IL2RB: variants seen among roughly 807,000 people sequenced by gnomAD.
IL2RB encodes the protein interleukin 2 receptor subunit beta, also known as interleukin-2 receptor subunit beta.
A neutral mutation model predicts 44.2 loss-of-function variants in IL2RB; 17 were observed. The ratio of observed to expected loss-of-function variants is 0.38; its 90% CI spans 0.26 to 0.58. The LOEUF (loss-of-function observed/expected upper bound fraction) is 0.58, where lower values mean the gene tolerates loss of function less well. IL2RB is among the 20% of genes least tolerant of loss of function. IL2RB has a pLI of 0.63. For missense variants in IL2RB, 624 were observed against 685.5 expected (o/e 0.91, Z 1.00); for synonymous variants, 286 against 297.9 (o/e 0.96, Z 0.41).
chr22:37,128,331 G>C lies in IL2RB; in HGVS notation c.1421C>G (p.Pro474Arg). Residue 474 changes from proline (P) to arginine (R), a missense_variant, in exon 10 of 10, where the codon CCT (proline) becomes CGT (arginine). Transcript: ENST00000216223. This position sits in a 1 kb window ranked among gnomAD's most constrained non-coding sequence, Gnocchi z 4.5. ...PRDWDPQPLG[P>R]PTPGVPDLVD... is the part of the protein sequence containing the mutation. ...CAGGTCTGGGACTCCTGGGGTGGGA[G>C]GCCCCAGGGGCTGGGGGTCCCAGTC... 2 of 1,502,704 alleles carry C rather than the reference G, an allele frequency of 1.3e-6. No homozygotes were observed. Among genetic ancestry groups the C allele is most frequent in the Non-Finnish European group, 1.8e-6 (2 of 1,126,340 alleles). 93.1% of individuals were successfully genotyped at this position (1,502,704 alleles called of 1,614,324 possible).
chr22:37,128,703 C>T lies in IL2RB; in HGVS notation c.1049G>A (p.Ser350Asn), dbSNP rs780285266. 1 of 1,614,156 alleles carries T rather than the reference C, an allele frequency of 6.2e-7. No homozygotes were observed. The highest frequency in any genetic ancestry group is 2.2e-5 in the East Asian group (1 of 44,878). The change falls in exon 10 of 10, where the codon AGC becomes AAC. Residue 350 changes from serine (S) to asparagine (N), a missense_variant. Physicochemically the swap from Ser to Asn is conservative, Grantham distance 46. Coordinates refer to ENST00000216223, the MANE Select transcript of IL2RB (RefSeq NM_000878.5). The surrounding 1 kb of genome is among the most constrained non-coding windows in gnomAD (Gnocchi z 4.5). ...QDKVPEPASL[S>N]SNHSLTSCFT... ...GCAGCTGGTCAGCGAGTGGTTGCTGCTTAAGGATGCGGGCTCAGGCACCTT... is the reference window on the plus strand; with the variant it reads ...GCAGCTGGTCAGCGAGTGGTTGCTGTTTAAGGATGCGGGCTCAGGCACCTT...
intron 4 of IL2RB, among the ~76,000 whole-genome samples, chr22:37,142,052 C>T (rs991447314): frequency 6.6e-6 from 1 of 152,164 alleles, no homozygotes; most frequent in African/African-American, 2.4e-5. Context: ...CTACACCCTT[C>T]ACCCCCCACA....
intron 6 of IL2RB, among the ~76,000 whole-genome samples, chr22:37,137,251 G>A (rs547617472): frequency 2.6e-5 from 4 of 152,368 alleles, no homozygotes; most frequent in Admixed American, 6.5e-5. Context: ...AGGCCCGCAC[G>A]GATGTGGAGC....
intron 1 of IL2RB, among the ~76,000 whole-genome samples, chr22:37,158,232 G>A (rs1054895954): frequency 6.6e-6 from 1 of 152,170 alleles, no homozygotes; most frequent in Non-Finnish European, 1.5e-5. Flanking sequence ...CCATCCAGTG[G>A]AATGCCACGT....
At chr22:37,159,423 C>A (rs891468566) in intron 1 of IL2RB, among the ~76,000 whole-genome samples, 2 of 152,094 alleles carry the variant, frequency 1.3e-5, no homozygotes, top group African/African-American at 4.8e-5. Flanking sequence ...AAGCGGCCAC[C>A]CTGGGCTCGC....
Position 37,145,182 on chromosome 22 carries a change from C to G in IL2RB, c.-33-977G>C, listed in dbSNP as rs228972. Reference sequence around the variant, plus strand: ...GAGCTCTGACCCAAACACTGAAGAGCCCTAGAGGACAGGGGAAACTGAGGC... The same window carrying G: ...GAGCTCTGACCCAAACACTGAAGAGGCCTAGAGGACAGGGGAAACTGAGGC... On this transcript the variant is annotated intron_variant, in intron 1 of 9. Transcript: ENST00000216223. Among the ~76,000 whole-genome samples the G allele has an allele frequency of 5.3e-3, 802 of 152,236 alleles. 8 individuals carry two copies. Among genetic ancestry groups the G allele is most frequent in the African/African-American group, 0.019 (777 of 41,528 alleles).
rs1181542763 is a variant in IL2RB at position 37,126,962 on chromosome 22, G to A, written c.*1134C>T. The A allele has an allele frequency of 2.0e-5, 3 of 152,246 alleles. No homozygotes were observed. Among genetic ancestry groups the A allele is most frequent in the African/African-American group, 2.4e-5 (1 of 41,426 alleles). 9.4% of individuals were successfully genotyped at this position (152,246 alleles called of 1,614,324 possible). A position where few individuals can be genotyped will look rare whatever the true frequency, so the allele number is the denominator to read the frequency against. ...TGTGTCTGGGGCAGTGAAAAATAATGAGGCCCTGCCCTGTGGAGCTGCCCT... is the reference window on the plus strand; with the variant it reads ...TGTGTCTGGGGCAGTGAAAAATAATAAGGCCCTGCCCTGTGGAGCTGCCCT... On this transcript the variant is annotated 3_prime_UTR_variant, in exon 10 of 10. Coordinates refer to ENST00000216223, the MANE Select transcript of IL2RB (RefSeq NM_000878.5).
intron 1 of IL2RB, among the ~76,000 whole-genome samples, chr22:37,166,196 G>C (rs1290136892): frequency 6.6e-6 from 1 of 152,176 alleles, no homozygotes; most frequent in African/African-American, 2.4e-5. Context: ...AAATGCCCCT[G>C]CTACTGGGGG....
chr22:37,163,063 C>A (rs183284958), intron 1 of IL2RB, among the ~76,000 whole-genome samples: 2 of 152,366 alleles, frequency 1.3e-5, no homozygotes, highest in East Asian at 3.9e-4. Flanking sequence ...CTCCAACTCA[C>A]TAGGGTCGCT....
intron 1 of IL2RB, among the ~76,000 whole-genome samples, chr22:37,165,389 C>T (rs1923032088): frequency 6.6e-6 from 1 of 152,194 alleles, no homozygotes; most frequent in Non-Finnish European, 1.5e-5. Context: ...CAGGGAGAGT[C>T]TGAATCATGA....
chr22:37,133,391 C>T (rs1194516307), intron 8 of IL2RB, among the ~76,000 whole-genome samples: 3 of 152,138 alleles, frequency 2.0e-5, no homozygotes, highest in Admixed American at 6.5e-5. Flanking sequence ...TGCTCCAGGA[C>T]GAGGGTCAGG....
intron 1 of IL2RB, among the ~76,000 whole-genome samples, chr22:37,160,614 G>A (rs150494320): frequency 1.4e-4 from 22 of 152,084 alleles, no homozygotes; most frequent in African/African-American, 4.8e-4. Context: ...GGCCAAGGCG[G>A]GTGGATTGCT....
intron 6 of IL2RB, among the ~76,000 whole-genome samples, chr22:37,137,050 C>A (rs1921743480): frequency 1.3e-5 from 2 of 152,126 alleles, no homozygotes; most frequent in South Asian, 4.1e-4. Context: ...TATCCCAGAC[C>A]CTGTCGCTAC....
At chr22:37,158,875 C>T (rs1438153607) in intron 1 of IL2RB, among the ~76,000 whole-genome samples, 4 of 152,188 alleles carry the variant, frequency 2.6e-5, no homozygotes, top group African/African-American at 9.7e-5. Flanking sequence ...TGGAACCACC[C>T]ATCCTCCGCC....
intron 1 of IL2RB, among the ~76,000 whole-genome samples, chr22:37,165,341 C>T (rs772681258): frequency 2.0e-5 from 3 of 152,248 alleles, no homozygotes; most frequent in African/African-American, 2.4e-5. Flanking sequence ...CCAGAACCCA[C>T]TCTGTCCTTC....
intron 4 of IL2RB, 65 bp from the exon 5 acceptor site, chr22:37,139,287 C>T: frequency 9.1e-7 from 1 of 1,098,920 alleles, no homozygotes; most frequent in East Asian, 2.6e-5. Flanking sequence ...GGGGAGGCCA[C>T]CGGGATGACC....
In IL2RB at chr22:37,144,222, AAGAG is replaced by A; in HGVS notation, c.-33-21_-33-18del. The A allele has an allele frequency of 2.0e-6, 3 of 1,534,370 alleles. No homozygotes were observed. Among genetic ancestry groups the A allele is most frequent in the Non-Finnish European group, 2.6e-6 (3 of 1,139,006 alleles). On this transcript the variant is annotated intron_variant, in intron 1 of 9. Transcript: ENST00000216223. The stretch of plus-strand genomic sequence containing the variant: ...AAGGAAGCCCTGGTGGGAGAGGAGA[AAGAG>A]AGAGCACACGTAAATACACATCCCA...
At chr22:37,132,765 A>G (rs1921497092) in intron 8 of IL2RB, among the ~76,000 whole-genome samples, 1 of 152,204 alleles carries the variant, frequency 6.6e-6, no homozygotes, top group South Asian at 2.1e-4. Flanking sequence ...GCACAGTGCT[A>G]CACAAGACGG....
chr22:37,164,122 G>A (rs1420492814), intron 1 of IL2RB, among the ~76,000 whole-genome samples: 3 of 152,180 alleles, frequency 2.0e-5, no homozygotes, highest in Non-Finnish European at 4.4e-5. Flanking sequence ...AGAGCAGAGC[G>A]GAAAGCAACA....
Sources: gnomAD v4.1 joint callset for allele counts (sites outside exome capture counted in the v4.1 genomes callset) on GRCh38, gnomAD v4.1.1 for gene constraint, Gnocchi (gnomAD v3.1) non-coding constraint, MANE v1.5 for transcripts, NCBI Gene and HGNC (gene_info 2026-07-23, HGNC 2026-07-21) for gene names.